The following SP3 variants were observed in gnomAD, a reference collection of about 807,000 sequenced individuals.
SP3 encodes transcription factor Sp3.
SP3 carries 10 observed loss-of-function variants against 70.3 expected under a neutral mutation model. The ratio of observed to expected loss-of-function variants is 0.14; its 90% CI spans 0.09 to 0.24. The LOEUF (loss-of-function observed/expected upper bound fraction) is 0.24. Ranked by LOEUF, SP3 falls within the 10% of genes least tolerant of loss-of-function variation. The pLI is 1.00. For missense variants in SP3, 825 were observed against 914.6 expected, an observed-to-expected ratio of 0.90 and a Z score of 1.26; for synonymous variants, 402 against 333.5, an observed-to-expected ratio of 1.21 and a Z score of -2.24.
chr2:173,917,300 A>G (rs1689638403), intron 5 of SP3, among the ~76,000 whole-genome samples: 1 of 144,812 alleles, frequency 6.9e-6, no homozygotes, highest in Middle Eastern at 3.2e-3. Flanking sequence ...ATTGACCAAA[A>G]TATGTCAAAA....
intron 4 of SP3, among the ~76,000 whole-genome samples, chr2:173,940,375 T>C (rs558698182): frequency 4.8e-4 from 73 of 152,304 alleles, no homozygotes; most frequent in African/African-American, 1.7e-3. Flanking sequence ...CACAATAGGG[T>C]TCGGGCTCCT....
intron 4 of SP3, among the ~76,000 whole-genome samples, chr2:173,953,663 G>A (rs1257246531): frequency 2.6e-5 from 4 of 152,052 alleles, no homozygotes; most frequent in Non-Finnish European, 5.9e-5. Context: ...AGTTACTCGA[G>A]AGGCTGAGGC....
Position 173,964,417 on chromosome 2 carries a change from T to TGCCGCCGCC in SP3, c.135_143dup (p.Ala49_Ala51dup), listed in dbSNP as rs1168474950. 7 of 720,954 alleles carry TGCCGCCGCC rather than the reference T, an allele frequency of 9.7e-6. No individual in the cohort carries two copies. Among genetic ancestry groups the TGCCGCCGCC allele is most frequent in the African/African-American group, 7.3e-5 (4 of 54,914 alleles). 44.7% of individuals were successfully genotyped at this position (720,954 alleles called of 1,614,324 possible). ...AGCCGCTCCTCACCTGGGCCGCCGC[T>TGCCGCCGCC]GCCGCCGCCACCGCACCGTTTCCGT... is the stretch of plus-strand genomic sequence containing the variant. On this transcript the variant is annotated inframe_insertion, in exon 2 of 7. Transcript: ENST00000310015.
intron 4 of SP3, among the ~76,000 whole-genome samples, chr2:173,923,691 T>A (rs904571746): frequency 4.6e-5 from 7 of 152,182 alleles, no homozygotes; most frequent in Non-Finnish European, 1.0e-4. Context: ...GTTGTTCTTA[T>A]CAAAGTCTTT....
At chr2:173,935,161 G>T (rs757450600) in intron 4 of SP3, among the ~76,000 whole-genome samples, 5 of 152,184 alleles carry the variant, frequency 3.3e-5, no homozygotes, top group Non-Finnish European at 7.3e-5. Flanking sequence ...CTGAGCCCAG[G>T]AGGTTCGGGG....
chr2:173,905,531 ATTC>A lies in SP3; in HGVS notation c.*4407_*4409del, dbSNP rs1275798369. On this transcript the variant is annotated 3_prime_UTR_variant, in exon 7 of 7. Coordinates refer to ENST00000310015, the MANE Select transcript of SP3 (RefSeq NM_003111.5). ...AGGAGATAGGCCTTCTCAGGATATC[ATTC>A]TTAACATCAAAAACTGTATCTTAAA... is the stretch of plus-strand genomic sequence containing the variant. Among the ~76,000 whole-genome samples the A allele has an allele frequency of 6.6e-6, 1 of 152,238 alleles. No homozygotes were observed. Among genetic ancestry groups the A allele is most frequent in the African/African-American group, 2.4e-5 (1 of 41,456 alleles).
At position 173,955,258 on chromosome 2, in the gene SP3, T is replaced by C; in HGVS notation, c.1254A>G (p.Pro418=). The C allele has an allele frequency of 6.2e-7, 1 of 1,614,154 alleles. No homozygotes were observed. The highest frequency in any genetic ancestry group is 8.5e-7 in the Non-Finnish European group (1 of 1,180,022). ...SQAQIVQGIT[P]QTIHGVQASG... ...TGGCTTGCACACCATGGATTGTCTG[T>C]GGTGTAATACCTTGCACAATTTGGG... The change falls in exon 4 of 7, where the codon CCA becomes CCG. Residue 418 remains proline, a synonymous_variant. Transcript: ENST00000310015.
At chr2:173,936,159 G>A (rs567817282) in intron 4 of SP3, among the ~76,000 whole-genome samples, 1 of 152,082 alleles carries the variant, frequency 6.6e-6, no homozygotes, top group South Asian at 2.1e-4. Flanking sequence ...TGAGTTGCTC[G>A]GACTACAAGC....
In SP3 at chr2:173,905,878, G is replaced by A. The variant is rs917549154; in HGVS notation, c.*4063C>T. ...ACTGAGCATGGTGGTGTGCACCTGTGGTCCAAGCTACTTAAGAGGCCGAAG... is the reference window on the plus strand; with the variant it reads ...ACTGAGCATGGTGGTGTGCACCTGTAGTCCAAGCTACTTAAGAGGCCGAAG... On this transcript the variant is annotated 3_prime_UTR_variant, in exon 7 of 7. Coordinates refer to ENST00000310015, the MANE Select transcript of SP3 (RefSeq NM_003111.5). 4.6e-5 allele frequency among the ~76,000 whole-genome samples: 7 copies of A among 152,056 alleles called. No individual in the cohort carries two copies. The highest frequency in any genetic ancestry group is 7.4e-5 in the Non-Finnish European group (5 of 68,004).
chr2:173,926,736 TTAAC>T (rs371287291), intron 4 of SP3, among the ~76,000 whole-genome samples: 20 of 152,336 alleles, frequency 1.3e-4, no homozygotes, highest in Non-Finnish European at 1.9e-4. Flanking sequence ...ATTAATTCTA[TTAAC>T]TAAGTCATTC....
At chr2:173,965,670 T>C, upstream of SP3, 1 of 163,774 alleles carries the variant, frequency 6.1e-6, no homozygotes, top group Non-Finnish European at 1.3e-5. Flanking sequence ...AGCCAAGCTG[T>C]AGGGGAGCTG....
At position 173,950,656 on chromosome 2, in the gene SP3, C is replaced by CT. The variant is rs1190805800; in HGVS notation, c.1639+4216dup. Among the ~76,000 whole-genome samples, 182 of 144,032 alleles carry CT rather than the reference C, an allele frequency of 1.3e-3. 5 individuals are homozygous for CT. The highest frequency in any genetic ancestry group is 0.011 in the Admixed American group (159 of 14,288). 94.5% of individuals were successfully genotyped at this position (144,032 alleles called of 152,430 possible). A position where few individuals can be genotyped will look rare whatever the true frequency, so the allele number is the denominator to read the frequency against. The stretch of plus-strand genomic sequence containing the variant: ...AGCCTAGAAAACAGAGACCCTGTCT[C>CT]TTAAAAAAAAAAAAAAAAAGTAAAA... On this transcript the variant is annotated intron_variant, in intron 4 of 6. Transcript: ENST00000310015.
chr2:173,923,692 C>T (rs962036978), intron 4 of SP3, among the ~76,000 whole-genome samples: 2 of 151,912 alleles, frequency 1.3e-5, no homozygotes, highest in Admixed American at 6.6e-5. Context: ...TTGTTCTTAT[C>T]AAAGTCTTTC....
At chr2:173,946,562 C>A (rs896066291) in intron 4 of SP3, among the ~76,000 whole-genome samples, 8 of 152,028 alleles carry the variant, frequency 5.3e-5, no homozygotes, top group African/African-American at 1.9e-4. Flanking sequence ...CAATAAAGGT[C>A]TTTGAATAAT....
intron 5 of SP3, chr2:173,913,702 A>T (rs936718247): frequency 6.6e-6 from 1 of 152,376 alleles, no homozygotes; most frequent in Non-Finnish European, 1.5e-5. Flanking sequence ...TGAATACGTA[A>T]CTGATCACAG....
chr2:173,910,153 T>TA lies in SP3; in HGVS notation c.2133dup (p.Ser712Ter). 1 of 1,613,980 alleles carries TA rather than the reference T, an allele frequency of 6.2e-7. No homozygotes were observed. Among genetic ancestry groups the TA allele is most frequent in the Non-Finnish European group, 8.5e-7 (1 of 1,179,880 alleles). On this transcript the variant is annotated frameshift_variant, in exon 7 of 7. Coordinates refer to ENST00000310015, the MANE Select transcript of SP3 (RefSeq NM_003111.5). LOFTEE classifies it high-confidence loss of function. ...TCCACAGATGCCAGCACTGTACTGC[T>TA]AGAGTGAATACCTTTTTTATTCTGG...
At chr2:173,957,552 C>T (rs964261453) in intron 3 of SP3, among the ~76,000 whole-genome samples, 1 of 151,892 alleles carries the variant, frequency 6.6e-6, no homozygotes, top group African/African-American at 2.4e-5. Context: ...AGAAAAGATC[C>T]CAAAAAGGCT....
At position 173,964,474 on chromosome 2, in the gene SP3, GCCGCCGCCGCCGCCA is replaced by G. The variant is rs751755749; in HGVS notation, c.72_86del (p.Gly25_Gly29del). On this transcript the variant is annotated inframe_deletion, in exon 2 of 7. Coordinates refer to ENST00000310015, the MANE Select transcript of SP3 (RefSeq NM_003111.5). ...GCTGCTGCTGCAGATACTCGCCGTG[GCCGCCGCCGCCGCCA>G]CCGCCGCCGCCGCTATCCACGTCCA... is the stretch of plus-strand genomic sequence containing the variant. 43 of 688,272 alleles carry G rather than the reference GCCGCCGCCGCCGCCA, an allele frequency of 6.2e-5. No homozygotes were observed. The highest frequency in any genetic ancestry group is 5.3e-4 in the Middle Eastern group (2 of 3,752). 42.6% of individuals were successfully genotyped at this position (688,272 alleles called of 1,614,324 possible).
intron 6 of SP3, among the ~76,000 whole-genome samples, chr2:173,912,211 T>C (rs1325178373): frequency 6.6e-6 from 1 of 152,218 alleles, no homozygotes; most frequent in Non-Finnish European, 1.5e-5. Context: ...CTAAAACTAT[T>C]AGAGCATCTG....
Sources: gnomAD v4.1 joint callset for allele counts (sites outside exome capture counted in the v4.1 genomes callset) on GRCh38, gnomAD v4.1.1 for gene constraint, MANE v1.5 for transcripts, NCBI Gene and HGNC (gene_info 2026-07-23, HGNC 2026-07-21) for gene names.